Variants in ANKS3 observed in about 807,000 individuals in gnomAD.
The protein encoded by ANKS3 is ankyrin repeat and sterile alpha motif domain containing 3.
Under a neutral mutation model 80.7 loss-of-function variants are expected in ANKS3, and 62 were observed. That is an observed-to-expected ratio of 0.77 (90% CI 0.63 to 0.95). The LOEUF is 0.95. Among genes scored for constraint, ANKS3 ranks in the 40% least tolerant of loss-of-function variants. The pLI is 0.00. For synonymous variants in ANKS3, 489 were observed against 355.3 expected, an observed-to-expected ratio of 1.38 and a Z score of -4.23; for missense variants, 1,150 against 883.6, an observed-to-expected ratio of 1.30 and a Z score of -3.82.
At chr16:4,703,034 A>G (rs2080000258) in intron 8 of ANKS3, among the ~76,000 whole-genome samples, 1 of 152,232 alleles carries the variant, frequency 6.6e-6, no homozygotes, top group African/African-American at 2.4e-5. Flanking sequence ...TGATGGGACC[A>G]TGGGGAACTT....
chr16:4,723,121 G>C (rs967713082), intron 6 of ANKS3, among the ~76,000 whole-genome samples: 4 of 152,094 alleles, frequency 2.6e-5, no homozygotes, highest in African/African-American at 9.7e-5. Flanking sequence ...GAATTCATCA[G>C]GACCGCCTGC....
At position 4,724,816 on chromosome 16, in the gene ANKS3, T is replaced by A. The variant is rs923155805; in HGVS notation, c.507A>T (p.Gly169=). 3 of 1,613,946 alleles carry A rather than the reference T, an allele frequency of 1.9e-6. No homozygotes were observed. The highest frequency in any genetic ancestry group is 2.5e-6 in the Non-Finnish European group (3 of 1,179,980). The change falls in exon 6 of 18, where the codon GGA becomes GGT. Residue 169 remains glycine (G), a synonymous_variant. Coordinates refer to ENST00000304283, the MANE Select transcript of ANKS3 (RefSeq NM_133450.4). ...CAGCTGCTTCCATCAAGGGAGTAAA[T>A]CCACATATCGGCTCCCTGCAAGATG... ...ANANVREPIC[G]FTPLMEAAAA...
intron 11 of ANKS3, chr16:4,700,532 A>C (rs1346856272): frequency 3.0e-6 from 1 of 331,970 alleles, no homozygotes; most frequent in Non-Finnish European, 5.9e-6. Context: ...CTGAGCTGTG[A>C]GTCACACCTC....
chr16:4,727,264 G>T, intron 3 of ANKS3, 87 bp from the exon 4 acceptor site: 1 of 1,401,316 alleles, frequency 7.1e-7, no homozygotes, highest in Non-Finnish European at 9.9e-7. Context: ...GGCCAGGCGG[G>T]ATGAGTTGAC....
chr16:4,707,237 G>A (rs562202124), intron 7 of ANKS3, among the ~76,000 whole-genome samples: 5 of 151,394 alleles, frequency 3.3e-5, no homozygotes, highest in East Asian at 3.9e-4. Context: ...TGCTATCAAC[G>A]TGGAATTCAG....
chr16:4,715,633 T>C lies in ANKS3; in HGVS notation c.574-1447A>G, dbSNP rs181000814. Among the ~76,000 whole-genome samples the C allele has an allele frequency of 1.7e-4, 26 of 152,252 alleles. No individual in the cohort carries two copies. The East Asian group carries it at 3.5e-3, about 20-fold the overall frequency. On this transcript the variant is annotated intron_variant, in intron 6 of 17. Coordinates refer to ENST00000304283, the MANE Select transcript of ANKS3 (RefSeq NM_133450.4). ...AAGGATCATGATACAAAACTACATA[T>C]ACATTACAACTCCGGCAAAATGAGA... is the stretch of plus-strand genomic sequence containing the variant.
rs144416624 is a variant in ANKS3 at position 4,697,954 on chromosome 16, C to T, written c.1810+23G>A. 3.1e-3 allele frequency: 4,763 copies of T among 1,549,558 alleles called. 128 individuals carry two copies. The African/African-American group carries it at 0.05, about 16-fold the overall frequency. Reference sequence around the variant, plus strand: ...CCCCCACCTTCCCCTCTGCCCAGTGCGGAGTCAGGCCACTGCTCTTACCAG... The same window carrying T: ...CCCCCACCTTCCCCTCTGCCCAGTGTGGAGTCAGGCCACTGCTCTTACCAG... On this transcript the variant is annotated intron_variant, in intron 15 of 17. Transcript: ENST00000304283.
chr16:4,725,849 G>A (rs924429940), intron 5 of ANKS3, among the ~76,000 whole-genome samples: 1 of 151,596 alleles, frequency 6.6e-6, no homozygotes, highest in Non-Finnish European at 1.5e-5. Flanking sequence ...TAGTAGAGAC[G>A]GGGTTTCACC....
chr16:4,699,021 C>A (rs755240576), intron 12 of ANKS3, 31 bp downstream of exon 12: 2 of 1,614,176 alleles, frequency 1.2e-6, no homozygotes, highest in South Asian at 1.1e-5. Flanking sequence ...CAACCCCGGG[C>A]TGAGGGCCAG....
intron 6 of ANKS3, among the ~76,000 whole-genome samples, chr16:4,718,382 A>G (rs2080913660): frequency 6.6e-6 from 1 of 152,226 alleles, no homozygotes; most frequent in African/African-American, 2.4e-5. Context: ...GGCACGAATC[A>G]ACTTTCTCTT....
chr16:4,726,711 G>T lies in ANKS3; in HGVS notation c.439C>A (p.His147Asn), dbSNP rs1057519332. ...TALFHCTSAG[H>N]QHMVRFLLDS... The stretch of plus-strand genomic sequence containing the variant: ...AAGAGGAACCTGACCATGTGCTGGT[G>T]CCCGGCGCTGGTACAGTGGAAGAGG... Residue 147 changes from histidine to asparagine, a missense_variant, in exon 5 of 18, where the codon CAC becomes AAC. Physicochemically the swap from His to Asn is moderately conservative, Grantham distance 68. Coordinates refer to ENST00000304283, the MANE Select transcript of ANKS3 (RefSeq NM_133450.4). 13 of 1,614,224 alleles carry T rather than the reference G, an allele frequency of 8.1e-6. No individual in the cohort carries two copies. The South Asian group carries it at 9.9e-5, about 12-fold the overall frequency.
intron 6 of ANKS3, among the ~76,000 whole-genome samples, chr16:4,719,734 G>C (rs532207915): frequency 4.8e-4 from 73 of 152,114 alleles, no homozygotes; most frequent in African/African-American, 1.6e-3. Flanking sequence ...AGGAGGTTGA[G>C]ACTACAATGA....
chr16:4,723,008 G>C (rs1196183719), intron 6 of ANKS3, among the ~76,000 whole-genome samples: 1 of 152,000 alleles, frequency 6.6e-6, no homozygotes, highest in East Asian at 1.9e-4. Flanking sequence ...TCACCCGCCA[G>C]ATTGACAAAA....
Position 4,726,890 on chromosome 16 carries a change from G to A in ANKS3, c.369+89C>T, listed in dbSNP as rs1161206909. 13 of 1,600,936 alleles carry A rather than the reference G, an allele frequency of 8.1e-6. No individual in the cohort carries two copies. The African/African-American group carries it at 9.4e-5, about 12-fold the overall frequency. Reference sequence around the variant, plus strand: ...CAGAAGTGATTACACGAGCACACACGAACACCGTGGCCTGCAGTGGTTCGC... The same window carrying A: ...CAGAAGTGATTACACGAGCACACACAAACACCGTGGCCTGCAGTGGTTCGC... On this transcript the variant is annotated intron_variant, in intron 4 of 17. Transcript: ENST00000304283.
chr16:4,732,905 T>A (rs2081725727), intron 1 of ANKS3, among the ~76,000 whole-genome samples: 2 of 152,110 alleles, frequency 1.3e-5, no homozygotes, highest in African/African-American at 4.8e-5. Context: ...AAGAATGAGA[T>A]CCTATCATTT....
Position 4,728,333 on chromosome 16 carries a change from C to T in ANKS3, c.171-1156G>A, listed in dbSNP as rs757939922. 1.8e-4 allele frequency among the ~76,000 whole-genome samples: 27 copies of T among 152,244 alleles called. 1 individual carries two copies. The highest frequency in any genetic ancestry group is 7.8e-4 in the Admixed American group (12 of 15,290). On this transcript the variant is annotated intron_variant, in intron 3 of 17. Coordinates refer to ENST00000304283, the MANE Select transcript of ANKS3 (RefSeq NM_133450.4). Reference sequence around the variant, plus strand: ...GTGCTGGATTACAGGCGTGAGCCACCGCGCCCAGCCGGGATTCACATATTA... The same window carrying T: ...GTGCTGGATTACAGGCGTGAGCCACTGCGCCCAGCCGGGATTCACATATTA...
chr16:4,714,346 A>C (rs1596397603), intron 6 of ANKS3, 160 bp from the exon 7 acceptor site: 2 of 1,076,054 alleles, frequency 1.9e-6, no homozygotes, highest in South Asian at 1.6e-5. Context: ...GCTTGTCTGC[A>C]CCGCAGCCAC....
intron 8 of ANKS3, among the ~76,000 whole-genome samples, chr16:4,704,025 C>G (rs1266244245): frequency 6.6e-6 from 1 of 152,228 alleles, no homozygotes; most frequent in African/African-American, 2.4e-5. Context: ...CTCTGCCACT[C>G]AGAACGACCA....
intron 1 of ANKS3, among the ~76,000 whole-genome samples, chr16:4,733,136 G>A (rs2081742746): frequency 8.3e-6 from 1 of 120,324 alleles, no homozygotes; most frequent in African/African-American, 3.2e-5. Flanking sequence ...AAAACAGAAT[G>A]AATAAGATCT....
Sources: gnomAD v4.1 joint callset for allele counts (sites outside exome capture counted in the v4.1 genomes callset) on GRCh38, gnomAD v4.1.1 for gene constraint, MANE v1.5 for transcripts, NCBI Gene and HGNC (gene_info 2026-07-23, HGNC 2026-07-21) for gene names.